The following CCDC178 variants were observed in gnomAD, a reference collection of about 807,000 sequenced individuals.
CCDC178 encodes coiled-coil domain containing 178.
In CCDC178, 126 loss-of-function variants were observed where a neutral mutation model predicts 117.4. That is an observed-to-expected ratio of 1.07 (90% CI 0.93 to 1.24). The LOEUF (loss-of-function observed/expected upper bound fraction) is 1.24, where lower values mean the gene tolerates loss of function less well. CCDC178 is among the 50% of genes most tolerant of loss of function. The pLI, the probability that CCDC178 is intolerant of heterozygous loss-of-function variation, is 0.00. For missense variants in CCDC178, 1,030 were observed against 986.9 expected (o/e 1.04, Z -0.59); for synonymous variants, 283 against 313.4 (o/e 0.90, Z 1.02).
intron 2 of CCDC178, among the ~76,000 whole-genome samples, chr18:33,421,080 T>C (rs2064018373): frequency 6.6e-6 from 1 of 152,160 alleles, no homozygotes; most frequent in African/African-American, 2.4e-5. Context: ...TTTGATGAAG[T>C]GACATCTACC....
chr18:33,281,915 C>T (rs2144827593), intron 12 of CCDC178, among the ~76,000 whole-genome samples: 1 of 152,306 alleles, frequency 6.6e-6, no homozygotes, highest in South Asian at 2.1e-4. Context: ...TATCCAATGA[C>T]AAGGGTTTAA....
chr18:33,259,685 G>C (rs1025738065), intron 14 of CCDC178, among the ~76,000 whole-genome samples: 2 of 152,024 alleles, frequency 1.3e-5, no homozygotes, highest in Non-Finnish European at 2.9e-5. Flanking sequence ...AACATGTGGG[G>C]ATTCAAGACG....
chr18:33,360,951 A>G (rs1213804364), intron 6 of CCDC178, among the ~76,000 whole-genome samples: 4 of 151,738 alleles, frequency 2.6e-5, no homozygotes, highest in African/African-American at 9.7e-5. Context: ...CCATGTCGAT[A>G]AAAATTCCAA....
At chr18:33,065,848 C>A (rs1271196303) in intron 21 of CCDC178, among the ~76,000 whole-genome samples, 1 of 149,976 alleles carries the variant, frequency 6.7e-6, no homozygotes, top group Admixed American at 6.7e-5. Flanking sequence ...TTATACCTAG[C>A]AAAGTTCTTT....
chr18:33,171,298 C>G lies in CCDC178; in HGVS notation c.2238+40598G>C, dbSNP rs145980424. Among the ~76,000 whole-genome samples, 24 of 152,224 alleles carry G rather than the reference C, an allele frequency of 1.6e-4. No homozygotes were observed. The East Asian group carries it at 4.3e-3, about 27-fold the overall frequency. On this transcript the variant is annotated intron_variant, in intron 20 of 22. Transcript: ENST00000383096. ...CCTGAGATCAAACAAACAGAAGGTG[C>G]AGAATAAATCCTATTCACTCTTCCT...
chr18:33,073,535 CTAT>C (rs2057148630), intron 21 of CCDC178, among the ~76,000 whole-genome samples: 1 of 149,314 alleles, frequency 6.7e-6, no homozygotes, highest in African/African-American at 2.5e-5. Flanking sequence ...ATCTATCTAT[CTAT>C]CTATCTATCT....
At chr18:33,321,001 A>G (rs961349972) in intron 11 of CCDC178, among the ~76,000 whole-genome samples, 11 of 152,216 alleles carry the variant, frequency 7.2e-5, no homozygotes, top group Non-Finnish European at 1.3e-4. Context: ...AGGATTCCCT[A>G]TTTAGTAAAT....
chr18:32,965,191 G>GATCACAA lies in CCDC178; in HGVS notation c.2523+9349_2523+9355dup, dbSNP rs1788697235. Among the ~76,000 whole-genome samples the GATCACAA allele has an allele frequency of 6.6e-5, 10 of 152,052 alleles. No individual in the cohort carries two copies. In the South Asian group the frequency reaches 2.1e-3, roughly 32 times the overall value. On this transcript the variant is annotated intron_variant, in intron 22 of 22. Transcript: ENST00000383096. ...TCTCATCAATCCCTTCAGCCACACAGATCACAAATCCTACTTCGTTTCCAA... is the reference window on the plus strand; with the variant it reads ...TCTCATCAATCCCTTCAGCCACACAGATCACAAATCACAAATCCTACTTCGTTTCCAA...
chr18:33,271,308 A>G (rs2059886583), intron 12 of CCDC178, among the ~76,000 whole-genome samples: 1 of 151,452 alleles, frequency 6.6e-6, no homozygotes, highest in Non-Finnish European at 1.5e-5. Context: ...TGACGGAATG[A>G]GTTTGAAGGA....
intron 20 of CCDC178, 132 bp downstream of exon 20, chr18:33,211,764 A>T: frequency 1.5e-6 from 1 of 656,144 alleles, no homozygotes; most frequent in Non-Finnish European, 2.5e-6. Context: ...TTCCAGGTTT[A>T]TTATGTTAAC....
intron 12 of CCDC178, among the ~76,000 whole-genome samples, chr18:33,277,064 C>CT: frequency 6.6e-6 from 1 of 152,158 alleles, no homozygotes; most frequent in African/African-American, 2.4e-5. Context: ...AAGGATGCCA[C>CT]TTATTTCCAC....
At chr18:32,956,532 T>C (rs368225961) in intron 22 of CCDC178, 2 of 152,190 alleles carry the variant, frequency 1.3e-5, no homozygotes, top group Admixed American at 1.3e-4. Flanking sequence ...TAATAAATCA[T>C]GTAAAATTAT....
intron 2 of CCDC178, among the ~76,000 whole-genome samples, chr18:33,423,756 A>C (rs1216585241): frequency 1.3e-5 from 2 of 152,184 alleles, no homozygotes; most frequent in African/African-American, 4.8e-5. Flanking sequence ...TTTTAATGGA[A>C]AAAAGCATTC....
At chr18:33,285,975 A>ATTTTTTTT (rs60956262) in intron 12 of CCDC178, among the ~76,000 whole-genome samples, 1 of 138,086 alleles carries the variant, frequency 7.2e-6, no homozygotes, top group African/African-American at 2.7e-5. Context: ...AGCAATGTGT[A>ATTTTTTTT]TTTTTTTTTT....
chr18:33,008,238 TCAAA>T (rs1211749421), intron 21 of CCDC178, among the ~76,000 whole-genome samples: 3 of 152,120 alleles, frequency 2.0e-5, no homozygotes, highest in Admixed American at 6.6e-5. Flanking sequence ...TTTGCATATC[TCAAA>T]CAACTTTTCC....
intron 20 of CCDC178, among the ~76,000 whole-genome samples, chr18:33,139,357 A>C (rs187270140): frequency 2.0e-5 from 3 of 152,318 alleles, no homozygotes; most frequent in Admixed American, 6.5e-5. Flanking sequence ...TAACAGGCTG[A>C]GGTTGGAACA....
At chr18:33,208,960 G>A (rs1007498784) in intron 20 of CCDC178, among the ~76,000 whole-genome samples, 1 of 151,884 alleles carries the variant, frequency 6.6e-6, no homozygotes, top group African/African-American at 2.4e-5. Context: ...ATTACAGAGG[G>A]GACAGCAAAT....
At position 33,158,360 on chromosome 18, in the gene CCDC178, C is replaced by G. The variant is rs189110483; in HGVS notation, c.2238+53536G>C. ...GTCTACCTTCAATCTACAGTTAGTA[C>G]AAAAATCATTGTTAATTGTAAATTT... On this transcript the variant is annotated intron_variant, in intron 20 of 22. Transcript: ENST00000383096. 3.8e-3 allele frequency among the ~76,000 whole-genome samples: 576 copies of G among 152,116 alleles called. 2 individuals carry two copies. Among genetic ancestry groups the G allele is most frequent in the South Asian group, 6.6e-3 (32 of 4,822 alleles).
chr18:33,392,479 C>T (rs2063576491), intron 4 of CCDC178, among the ~76,000 whole-genome samples: 1 of 152,128 alleles, frequency 6.6e-6, no homozygotes, highest in Non-Finnish European at 1.5e-5. Context: ...ATTCAGTACC[C>T]CAACCAGTGA....
Sources: allele counts gnomAD v4.1 joint callset (sites outside exome capture counted in the v4.1 genomes callset), GRCh38; gene constraint gnomAD v4.1.1; transcripts MANE v1.5; gene names NCBI Gene and HGNC (gene_info 2026-07-23, HGNC 2026-07-21).